Variants in TET2 observed in about 807,000 individuals in gnomAD.
TET2 encodes the protein methylcytosine dioxygenase TET2.
A neutral mutation model predicts 142.9 loss-of-function variants in TET2; 299 were observed. The ratio of observed to expected loss-of-function variants is 2.09; its 90% CI spans 1.90 to 2.30. TET2 has a LOEUF of 2.30. TET2 is among the 30% of genes most tolerant of loss of function. The pLI is 0.00. For synonymous variants in TET2, 819 were observed against 849.0 expected, an observed-to-expected ratio of 0.96 and a Z score of 0.61; for missense variants, 2,418 against 2,378.0, an observed-to-expected ratio of 1.02 and a Z score of -0.35.
At chr4:105,200,253 A>G (rs1726369266) in intron 2 of TET2, among the ~76,000 whole-genome samples, 1 of 152,096 alleles carries the variant, frequency 6.6e-6, no homozygotes, top group Non-Finnish European at 1.5e-5. Context: ...GTGAGATGGT[A>G]TCTCATTGTG....
chr4:105,223,876 C>T (rs1276721806), intron 2 of TET2, among the ~76,000 whole-genome samples: 1 of 152,044 alleles, frequency 6.6e-6, no homozygotes, highest in Non-Finnish European at 1.5e-5. Flanking sequence ...AACACAGTGC[C>T]TTTAGCAGAT....
chr4:105,231,320 A>C (rs1728492618), intron 2 of TET2, among the ~76,000 whole-genome samples: 1 of 152,178 alleles, frequency 6.6e-6, no homozygotes, highest in South Asian at 2.1e-4. Flanking sequence ...ACTATCTAAG[A>C]ACATATTATA....
chr4:105,261,018 ACCT>A (rs1730397100), intron 7 of TET2, among the ~76,000 whole-genome samples: 1 of 151,276 alleles, frequency 6.6e-6, no homozygotes, highest in South Asian at 2.1e-4. Flanking sequence ...CTGTTCAGAA[ACCT>A]CCTCACCTTC....
At chr4:105,191,882 T>C (rs865987288) in intron 2 of TET2, among the ~76,000 whole-genome samples, 3 of 152,188 alleles carry the variant, frequency 2.0e-5, no homozygotes, top group Non-Finnish European at 2.9e-5. Flanking sequence ...TCCCCTTGCA[T>C]GTTAATATTT....
chr4:105,179,938 G>A (rs935259845), intron 1 of TET2, among the ~76,000 whole-genome samples: 1 of 152,186 alleles, frequency 6.6e-6, no homozygotes, highest in Non-Finnish European at 1.5e-5. Flanking sequence ...AGCATGCAGA[G>A]TATCTGGTTT....
At chr4:105,163,850 A>T (rs62331154) in intron 1 of TET2, among the ~76,000 whole-genome samples, 3,109 of 108,858 alleles carry the variant, frequency 0.029, 32 homozygotes, top group Middle Eastern at 0.082. Flanking sequence ...AGAGAGAGAG[A>T]GAGAGTGTGT....
At chr4:105,181,467 T>G (rs532751015) in intron 1 of TET2, among the ~76,000 whole-genome samples, 1 of 152,332 alleles carries the variant, frequency 6.6e-6, no homozygotes, top group Non-Finnish European at 1.5e-5. Context: ...ACACAGAGGT[T>G]GCTAAGCGAC....
intron 1 of TET2, among the ~76,000 whole-genome samples, chr4:105,184,160 A>T (rs529373937): frequency 6.6e-6 from 1 of 152,050 alleles, no homozygotes; most frequent in East Asian, 1.9e-4. Context: ...TGTGATGTTT[A>T]TAGGGTATTT....
chr4:105,246,286 A>C (rs1330690155), intron 6 of TET2, among the ~76,000 whole-genome samples: 1 of 152,174 alleles, frequency 6.6e-6, no homozygotes, highest in Admixed American at 6.5e-5. Flanking sequence ...AAAAAATTAC[A>C]TGAAGAACTT....
intron 6 of TET2, among the ~76,000 whole-genome samples, chr4:105,259,232 C>A (rs886964299): frequency 1.3e-5 from 2 of 151,992 alleles, no homozygotes; most frequent in African/African-American, 4.8e-5. Context: ...AAAAAGAAAG[C>A]ATTATTAACA....
intron 1 of TET2, among the ~76,000 whole-genome samples, chr4:105,178,995 G>C (rs986057363): frequency 6.6e-6 from 1 of 152,094 alleles, no homozygotes; most frequent in African/African-American, 2.4e-5. Context: ...GTGGCAGGAA[G>C]GAGAAATGAA....
At chr4:105,200,920 A>G (rs555553148) in intron 2 of TET2, among the ~76,000 whole-genome samples, 12 of 152,176 alleles carry the variant, frequency 7.9e-5, no homozygotes, top group Admixed American at 7.9e-4. Flanking sequence ...CAGCCTCCCA[A>G]AGTGCTGGGA....
intron 4 of TET2, chr4:105,242,145 A>AG (rs1729339326): frequency 2.6e-6 from 3 of 1,151,566 alleles, no homozygotes; most frequent in Non-Finnish European, 3.2e-6. Context: ...TGGGGCAGCT[A>AG]GGACATATTC....
chr4:105,151,828 A>G (rs1560707837), intron 1 of TET2, among the ~76,000 whole-genome samples: 1 of 152,146 alleles, frequency 6.6e-6, no homozygotes, highest in East Asian at 1.9e-4. Flanking sequence ...TAATCCCAGC[A>G]CTTTGGGACG....
intron 6 of TET2, among the ~76,000 whole-genome samples, chr4:105,252,857 T>C (rs759868266): frequency 3.9e-5 from 6 of 152,198 alleles, no homozygotes; most frequent in Non-Finnish European, 7.4e-5. Context: ...CATGTGGAGT[T>C]GTCCAGTTGT....
At chr4:105,257,350 T>A (rs1730188836) in intron 6 of TET2, among the ~76,000 whole-genome samples, 1 of 152,100 alleles carries the variant, frequency 6.6e-6, no homozygotes, top group Non-Finnish European at 1.5e-5. Context: ...TATGTTACTG[T>A]TTCTGGTGGT....
At chr4:105,230,836 A>G (rs1418428216) in intron 2 of TET2, among the ~76,000 whole-genome samples, 3 of 152,158 alleles carry the variant, frequency 2.0e-5, no homozygotes, top group Admixed American at 2.0e-4. Flanking sequence ...TTAGCCAGTC[A>G]TTAGATTTTT....
intron 2 of TET2, among the ~76,000 whole-genome samples, chr4:105,192,061 A>G (rs766492682): frequency 3.3e-5 from 5 of 152,126 alleles, no homozygotes; most frequent in Non-Finnish European, 5.9e-5. Flanking sequence ...TGTCTTTTAC[A>G]TGAGAACTGA....
At chr4:105,228,336 A>T (rs1208799808) in intron 2 of TET2, among the ~76,000 whole-genome samples, 2 of 152,152 alleles carry the variant, frequency 1.3e-5, no homozygotes, top group African/African-American at 2.4e-5. Flanking sequence ...AACTTTTCAC[A>T]CAAATGGTTG....
Sources: gnomAD v4.1 joint callset for allele counts (sites outside exome capture counted in the v4.1 genomes callset) on GRCh38, gnomAD v4.1.1 for gene constraint, MANE v1.5 for transcripts, NCBI Gene and HGNC (gene_info 2026-07-23, HGNC 2026-07-21) for gene names.